DOCK10: variants seen among roughly 807,000 people sequenced by gnomAD.
DOCK10 encodes the protein dedicator of cytokinesis protein 10.
Under a neutral mutation model 280.1 loss-of-function variants are expected in DOCK10, and 145 were observed. The ratio of observed to expected loss-of-function variants is 0.52; its 90% CI spans 0.45 to 0.59. The LOEUF (loss-of-function observed/expected upper bound fraction) is 0.59, where lower values mean the gene tolerates loss of function less well. DOCK10 is among the 20% of genes least tolerant of loss of function. The pLI, the probability that DOCK10 is intolerant of heterozygous loss-of-function variation, is 0.00. For synonymous variants in DOCK10, 915 were observed against 942.2 expected (o/e 0.97, Z 0.53); for missense variants, 2,368 against 2,651.7 (o/e 0.89, Z 2.35).
At position 225,035,570 on chromosome 2, in the gene DOCK10, A is replaced by ATATAT. The variant is rs1553634929; in HGVS notation, c.123+6677_123+6681dup. On this transcript the variant is annotated intron_variant, in intron 1 of 55. Transcript: ENST00000258390. Reference sequence around the variant, plus strand: ...TATATATATATATATATATATATATATATATATATATATATATAACACTGA... The same window carrying ATATAT: ...TATATATATATATATATATATATATATATATTATATATATATATATATAACACTGA... Among the ~76,000 whole-genome samples the ATATAT allele has an allele frequency of 1.4e-4, 8 of 58,234 alleles. 1 individual carries two copies. The highest frequency in any genetic ancestry group is 3.2e-4 in the Non-Finnish European group (8 of 24,620). The allele number at this position is 58,234 out of a possible 152,430, so 38.2% of individuals were successfully genotyped here.
chr2:224,992,414 A>G (rs901612556), intron 1 of DOCK10, among the ~76,000 whole-genome samples: 1 of 152,266 alleles, frequency 6.6e-6, no homozygotes, highest in Admixed American at 6.5e-5. Flanking sequence ...GCTCAATTTT[A>G]CATTATTTGC....
chr2:225,025,227 T>C (rs1460674379), intron 1 of DOCK10, among the ~76,000 whole-genome samples: 1 of 152,156 alleles, frequency 6.6e-6, no homozygotes, highest in South Asian at 2.1e-4. Flanking sequence ...AGGAGTCCTG[T>C]AGGCAGGAGA....
chr2:225,004,797 A>AT (rs918744873), intron 1 of DOCK10, among the ~76,000 whole-genome samples: 4 of 152,296 alleles, frequency 2.6e-5, no homozygotes, highest in Admixed American at 6.5e-5. Flanking sequence ...TCCAGAATGC[A>AT]TTTTTTGCAT....
chr2:224,803,242 A>G (rs1693135600), intron 39 of DOCK10, among the ~76,000 whole-genome samples: 1 of 151,856 alleles, frequency 6.6e-6, no homozygotes, highest in Non-Finnish European at 1.5e-5. Flanking sequence ...ATGGAAACTA[A>G]TTCTTTACTG....
At chr2:225,003,926 A>G (rs1465261624) in intron 1 of DOCK10, among the ~76,000 whole-genome samples, 1 of 152,232 alleles carries the variant, frequency 6.6e-6, no homozygotes, top group Non-Finnish European at 1.5e-5. Flanking sequence ...TGTTAAATGT[A>G]GTTAGGTCTA....
At chr2:224,875,991 C>T (rs1698603629) in intron 8 of DOCK10, 47 bp downstream of exon 8, 1 of 1,568,386 alleles carries the variant, frequency 6.4e-7, no homozygotes, top group Non-Finnish European at 8.6e-7. Flanking sequence ...ACCAAAAACA[C>T]AGGTCACACT....
chr2:224,920,080 CT>C (rs1209931150), intron 2 of DOCK10, among the ~76,000 whole-genome samples: 1 of 152,038 alleles, frequency 6.6e-6, no homozygotes, highest in Non-Finnish European at 1.5e-5. Flanking sequence ...CTTTTTGTTG[CT>C]GTTGTTGTTG....
At chr2:224,921,112 A>AAAAATATATATATATATATATATATAT in intron 2 of DOCK10, among the ~76,000 whole-genome samples, 2 of 54,416 alleles carry the variant, frequency 3.7e-5, no homozygotes, top group Non-Finnish European at 5.9e-5. Context: ...AAAAAAAAAA[A>AAAAATATATATATATATATATATATAT]ATATATATAT....
rs74647634 is a variant in DOCK10, at chr2:225,003,514, A to T, written c.123+38738T>A. 9.2e-3 allele frequency among the ~76,000 whole-genome samples: 1,395 copies of T among 152,298 alleles called. 18 individuals carry two copies. Among genetic ancestry groups the T allele is most frequent in the African/African-American group, 0.032 (1,335 of 41,546 alleles). On this transcript the variant is annotated intron_variant, in intron 1 of 55. Coordinates refer to ENST00000258390, the MANE Select transcript of DOCK10 (RefSeq NM_014689.3). The stretch of plus-strand genomic sequence containing the variant: ...ACTCGAATCAGAAGAAAGACCCACA[A>T]TCTGGAAATCCTGACACTTTCCTGA...
chr2:224,832,338 C>G (rs142348997), intron 26 of DOCK10, among the ~76,000 whole-genome samples: 2 of 152,260 alleles, frequency 1.3e-5, no homozygotes, highest in South Asian at 4.1e-4. Context: ...TGTTGAAGCA[C>G]GTAGCTGGGG....
At chr2:224,888,627 A>G (rs939813379) in intron 4 of DOCK10, among the ~76,000 whole-genome samples, 6 of 151,594 alleles carry the variant, frequency 4.0e-5, no homozygotes, top group African/African-American at 7.3e-5. Context: ...GTGTGAATAT[A>G]TGTGTGTATA....
At chr2:224,835,029 G>A (rs1401719465) in intron 25 of DOCK10, among the ~76,000 whole-genome samples, 1 of 152,156 alleles carries the variant, frequency 6.6e-6, no homozygotes, top group Admixed American at 6.5e-5. Context: ...TGAGAGTGAA[G>A]GCAGGAAAGA....
rs371947771 is a variant in DOCK10, at chr2:224,805,227, T to C, written c.4030A>G (p.Ile1344Val). Residue 1344 changes from isoleucine to valine, a missense_variant, in exon 36 of 56, where the codon ATT becomes GTT. Coordinates refer to ENST00000258390, the MANE Select transcript of DOCK10 (RefSeq NM_014689.3). The surrounding 1 kb of genome is among the most constrained non-coding windows in gnomAD (Gnocchi z 4.3). ...TTACCGTACGAAATCGTTTTCATAA[T>C]GTGAAGAAAACACATCAGGAGACTC... ...TRSLLMCFLH[I>V]MKTISYETLI... 46 of 1,610,964 alleles carry C rather than the reference T, an allele frequency of 2.9e-5. No individual in the cohort carries two copies. The highest frequency in any genetic ancestry group is 2.2e-4 in the Admixed American group (13 of 59,530).
rs77661884 is a variant in DOCK10, at chr2:224,822,311, T to G, written c.3183+1190A>C. 5.3e-3 allele frequency among the ~76,000 whole-genome samples: 815 copies of G among 152,338 alleles called. 7 individuals are homozygous for G. Among genetic ancestry groups the G allele is most frequent in the African/African-American group, 0.018 (758 of 41,582 alleles). ...GACTTTGCATTTCTTTCCTCTCAGCTCAATATAAATGGTTGTAACCCAATG... is the reference window on the plus strand; with the variant it reads ...GACTTTGCATTTCTTTCCTCTCAGCGCAATATAAATGGTTGTAACCCAATG... On this transcript the variant is annotated intron_variant, in intron 28 of 55. Transcript: ENST00000258390.
Position 224,801,904 on chromosome 2 carries a change from C to G in DOCK10, c.4393+12G>C, listed in dbSNP as rs779376139. 1.2e-6 allele frequency: 2 copies of G among 1,611,990 alleles called. No individual in the cohort carries two copies. The highest frequency in any genetic ancestry group is 2.2e-5 in the South Asian group (2 of 90,892). On this transcript the variant is annotated intron_variant, in intron 40 of 55. Coordinates refer to ENST00000258390, the MANE Select transcript of DOCK10 (RefSeq NM_014689.3). ...GGTAACCATCTTGTTCCTATTATTT[C>G]AGTTTACTTACTGGTCATGGTATTG... is the stretch of plus-strand genomic sequence containing the variant.
At chr2:224,850,099 C>A (rs1696634010) in intron 18 of DOCK10, among the ~76,000 whole-genome samples, 1 of 152,196 alleles carries the variant, frequency 6.6e-6, no homozygotes, top group Non-Finnish European at 1.5e-5. Context: ...ACACTCCCCC[C>A]AGTACCTGGG....
At chr2:224,773,909 G>A (rs1325366175) in intron 52 of DOCK10, among the ~76,000 whole-genome samples, 1 of 152,120 alleles carries the variant, frequency 6.6e-6, no homozygotes, top group African/African-American at 2.4e-5. Context: ...GATTACAGGC[G>A]TGAGCCACCG....
Position 224,786,508 on chromosome 2 carries a change from C to T in DOCK10, c.5655+514G>A, listed in dbSNP as rs1483729014. Among the ~76,000 whole-genome samples, 1 of 152,110 alleles carries T rather than the reference C, an allele frequency of 6.6e-6. No individual in the cohort carries two copies. Among genetic ancestry groups the T allele is most frequent in the Non-Finnish European group, 1.5e-5 (1 of 68,040 alleles). ...AAAAACAACTTTGAAATTACATTGACTTGCAATATAGGAAACAAAATAACC... is the reference window on the plus strand; with the variant it reads ...AAAAACAACTTTGAAATTACATTGATTTGCAATATAGGAAACAAAATAACC... On this transcript the variant is annotated intron_variant, in intron 50 of 55. Coordinates refer to ENST00000258390, the MANE Select transcript of DOCK10 (RefSeq NM_014689.3). The surrounding 1 kb of genome is among the most constrained non-coding windows in gnomAD (Gnocchi z 4.7).
intron 1 of DOCK10, among the ~76,000 whole-genome samples, chr2:225,016,119 C>T (rs1408615058): frequency 1.3e-5 from 2 of 152,132 alleles, no homozygotes; most frequent in African/African-American, 2.4e-5. Context: ...GCCACTTCAT[C>T]TAGAGTCAGG....
Sources: allele counts gnomAD v4.1 joint callset (sites outside exome capture counted in the v4.1 genomes callset), GRCh38; gene constraint gnomAD v4.1.1; non-coding constraint Gnocchi (gnomAD v3.1); transcripts MANE v1.5; gene names NCBI Gene and HGNC (gene_info 2026-07-23, HGNC 2026-07-21).